Variants in ZNF114 observed in about 807,000 individuals in gnomAD.
ZNF114 encodes the protein zinc finger protein 114 (Y18).
In ZNF114, 8 loss-of-function variants were observed where a neutral mutation model predicts 6.8. That is an observed-to-expected ratio of 1.18 (90% CI 0.69 to 2.13). The LOEUF is 2.13. Among genes scored for constraint, ZNF114 ranks in the 30% most tolerant of loss-of-function variants. The probability of loss-of-function intolerance (pLI) is 0.00; values close to 1 mark genes in which losing one functional copy is unlikely to be tolerated. For missense variants in ZNF114, 472 were observed against 519.5 expected (o/e 0.91, Z 0.89); for synonymous variants, 169 against 185.5 (o/e 0.91, Z 0.72).
chr19:48,287,089 C>A lies in ZNF114; in HGVS notation c.*211C>A. 1 of 441,622 alleles carries A rather than the reference C, an allele frequency of 2.3e-6. No homozygotes were observed. Among genetic ancestry groups the A allele is most frequent in the Non-Finnish European group, 3.8e-6 (1 of 260,250 alleles). 27.4% of individuals were successfully genotyped at this position (441,622 alleles called of 1,614,324 possible). On this transcript the variant is annotated 3_prime_UTR_variant, in exon 6 of 6. Coordinates refer to ENST00000595607, the MANE Select transcript of ZNF114 (RefSeq NM_153608.4). ...TCTTGAGTAGACATTTGTTCTCACCCTGGAGAGAAACTGCGAATCTAAAAG... is the reference window on the plus strand; with the variant it reads ...TCTTGAGTAGACATTTGTTCTCACCATGGAGAGAAACTGCGAATCTAAAAG...
chr19:48,286,088 CAAG>C lies in ZNF114; in HGVS notation c.465_467del (p.Ser156del). The C allele has an allele frequency of 6.2e-7, 1 of 1,614,044 alleles. No homozygotes were observed. Among genetic ancestry groups the C allele is most frequent in the Non-Finnish European group, 8.5e-7 (1 of 1,180,046 alleles). On this transcript the variant is annotated inframe_deletion, in exon 6 of 6. Coordinates refer to ENST00000595607, the MANE Select transcript of ZNF114 (RefSeq NM_153608.4). ...AGACAATGTATCCTAACACGTGACTCAAGTATTTTCAAGTATAATCCTGTCTTA... is the reference window on the plus strand; with the variant it reads ...AGACAATGTATCCTAACACGTGACTCTATTTTCAAGTATAATCCTGTCTTA...
rs895405147 is a variant in ZNF114 at position 48,273,451 on chromosome 19, G to A, written c.-70+1623G>A. ...CTGTTTTTTTTTTTTTTAAACTACT[G>A]TCCTGAGCTGATGTGTCTGAGGTTA... is the stretch of plus-strand genomic sequence containing the variant. On this transcript the variant is annotated intron_variant, in intron 3 of 5. Transcript: ENST00000595607. Among the ~76,000 whole-genome samples the A allele has an allele frequency of 4.7e-4, 63 of 134,666 alleles. No homozygotes were observed. The Middle Eastern group carries it at 0.015, about 33-fold the overall frequency. The allele number at this position is 134,666 out of a possible 152,430, so 88.3% of individuals were successfully genotyped here. A position where few individuals can be genotyped will look rare whatever the true frequency, so the allele number is the denominator to read the frequency against.
chr19:48,274,841 T>C (rs1303386704), intron 3 of ZNF114, among the ~76,000 whole-genome samples: 11 of 151,578 alleles, frequency 7.3e-5, no homozygotes, highest in African/African-American at 2.4e-4. Context: ...TGCAAACACA[T>C]TGTGTGCGTT....
chr19:48,284,110 G>C (rs771212045), intron 5 of ZNF114, among the ~76,000 whole-genome samples: 2 of 152,142 alleles, frequency 1.3e-5, no homozygotes, highest in African/African-American at 4.8e-5. Flanking sequence ...TGAAATCATC[G>C]GGATGAGGAA....
chr19:48,286,304 G>GA lies in ZNF114; in HGVS notation c.684dup (p.Ala229SerfsTer4). On this transcript the variant is annotated frameshift_variant, in exon 6 of 6. Transcript: ENST00000595607. LOFTEE classifies it low-confidence loss of function (END_TRUNC). The stretch of plus-strand genomic sequence containing the variant: ...AACAGGCACCAGCGGAATCCATTTG[G>GA]AAAAGCTTTCCGTGAAGACGGATCC... 1 of 1,614,190 alleles carries GA rather than the reference G, an allele frequency of 6.2e-7. No homozygotes were observed. Among genetic ancestry groups the GA allele is most frequent in the Non-Finnish European group, 8.5e-7 (1 of 1,180,042 alleles).
intron 3 of ZNF114, among the ~76,000 whole-genome samples, chr19:48,272,865 T>G (rs59652782): frequency 2.9e-3 from 421 of 144,778 alleles, no homozygotes; most frequent in Admixed American, 7.4e-3. Context: ...GCGCGATCTC[T>G]GCTCACTGCA....
At chr19:48,279,916 C>T (rs1257147488) in intron 4 of ZNF114, 108 bp downstream of exon 4, 4 of 1,530,630 alleles carry the variant, frequency 2.6e-6, no homozygotes, top group Admixed American at 1.7e-5. Flanking sequence ...CCAGGCAGGG[C>T]CCCCCGCCAG....
intron 3 of ZNF114, among the ~76,000 whole-genome samples, chr19:48,278,187 C>T (rs1967898978): frequency 2.0e-5 from 3 of 152,322 alleles, no homozygotes; most frequent in East Asian, 1.9e-4. Flanking sequence ...CCACCTGCCT[C>T]GGCCTCCCAG....
chr19:48,283,816 C>A (rs962719119), intron 5 of ZNF114, among the ~76,000 whole-genome samples: 3 of 151,998 alleles, frequency 2.0e-5, no homozygotes, highest in Non-Finnish European at 2.9e-5. Flanking sequence ...TCACTGCAAC[C>A]TCCACCTCCC....
At chr19:48,274,490 A>G (rs1335439018) in intron 3 of ZNF114, among the ~76,000 whole-genome samples, 3 of 122,382 alleles carry the variant, frequency 2.5e-5, no homozygotes, top group Non-Finnish European at 5.2e-5. Flanking sequence ...TTTTATATAT[A>G]TATATATATA....
intron 4 of ZNF114, among the ~76,000 whole-genome samples, chr19:48,280,803 T>C (rs971896224): frequency 6.6e-6 from 1 of 152,014 alleles, no homozygotes; most frequent in African/African-American, 2.4e-5. Flanking sequence ...TCCGCCCACC[T>C]CGGCCTCCCA....
At chr19:48,285,596 AAAGG>A (rs375002507) in intron 5 of ZNF114, among the ~76,000 whole-genome samples, 161 bp from the exon 6 acceptor site, 1,745 of 150,644 alleles carry the variant, frequency 0.012, 29 homozygotes, top group African/African-American at 0.036. Flanking sequence ...GAAAAGAAAG[AAAGG>A]AAGGAAGGAA....
rs10424867 is a variant in ZNF114 at position 48,286,101 on chromosome 19, G to A, written c.477G>A (p.Lys159=). The A allele has an allele frequency of 2.6e-4, 426 of 1,614,112 alleles. 1 individual carries two copies. In the African/African-American group the frequency reaches 4.4e-3, roughly 17 times the overall value. Residue 159 remains lysine (K), a synonymous_variant, in exon 6 of 6, where the codon AAG becomes AAA. Coordinates refer to ENST00000595607, the MANE Select transcript of ZNF114 (RefSeq NM_153608.4). ...CILTRDSSIF[K]YNPVLNDSQK... ...TAACACGTGACTCAAGTATTTTCAA[G>A]TATAATCCTGTCTTAAACGATAGTC...
chr19:48,281,075 C>A (rs1369951203), intron 4 of ZNF114, among the ~76,000 whole-genome samples: 1 of 152,036 alleles, frequency 6.6e-6, no homozygotes, highest in Admixed American at 6.6e-5. Flanking sequence ...CCCAGCAGTT[C>A]GAAGCTGCCG....
chr19:48,274,504 ATATTTTTTT>A (rs1332108201), intron 3 of ZNF114, among the ~76,000 whole-genome samples: 49 of 11,840 alleles, frequency 4.1e-3, no homozygotes, highest in African/African-American at 0.012. Context: ...ATATATATAT[ATATTTTTTT>A]TTTTTTTTTT....
chr19:48,285,708 A>G (rs927948355), intron 5 of ZNF114, 53 bp from the exon 6 acceptor site: 18 of 1,546,392 alleles, frequency 1.2e-5, no homozygotes, highest in Non-Finnish European at 1.5e-5. Flanking sequence ...CATCATCTCT[A>G]ACCCACCTTT....
chr19:48,274,515 T>A (rs1249604518), intron 3 of ZNF114, among the ~76,000 whole-genome samples: 177 of 92,002 alleles, frequency 1.9e-3, no homozygotes, highest in African/African-American at 5.8e-3. Flanking sequence ...TATTTTTTTT[T>A]TTTTTTTTGA....
At chr19:48,281,281 C>T (rs1339032112) in intron 4 of ZNF114, among the ~76,000 whole-genome samples, 1 of 152,134 alleles carries the variant, frequency 6.6e-6, no homozygotes, top group Non-Finnish European at 1.5e-5. Flanking sequence ...TTGATTTTCT[C>T]ACAGTTCTGC....
In ZNF114 at chr19:48,286,605, T is replaced by C. The variant is rs1968137763; in HGVS notation, c.981T>C (p.Thr327=). Residue 327 remains threonine, a synonymous_variant, in exon 6 of 6, where the codon ACT becomes ACC. Coordinates refer to ENST00000595607, the MANE Select transcript of ZNF114 (RefSeq NM_153608.4). ...TTATGAGACATATGAAAATTCACAC[T>C]GGAGAGAAACCGTATGAATGTGGGA... is the stretch of plus-strand genomic sequence containing the variant. ...SFLMRHMKIH[T]GEKPYECGKC... is the part of the protein sequence containing the mutation. 1.9e-6 allele frequency: 3 copies of C among 1,614,012 alleles called. No homozygotes were observed. Among genetic ancestry groups the C allele is most frequent in the Non-Finnish European group, 2.5e-6 (3 of 1,180,044 alleles).
Sources: gnomAD v4.1 joint callset for allele counts (sites outside exome capture counted in the v4.1 genomes callset) on GRCh38, gnomAD v4.1.1 for gene constraint, MANE v1.5 for transcripts, NCBI Gene and HGNC (gene_info 2026-07-23, HGNC 2026-07-21) for gene names.